The following MAML3 variants were observed in gnomAD, a reference collection of about 807,000 sequenced individuals.
MAML3 encodes the protein mastermind-like protein 3.
A neutral mutation model predicts 101.9 loss-of-function variants in MAML3; 27 were observed. The ratio of observed to expected loss-of-function variants is 0.27; its 90% CI spans 0.20 to 0.37. MAML3 has a LOEUF of 0.37. Among genes scored for constraint, MAML3 ranks in the 10% least tolerant of loss-of-function variants. The pLI, the probability that MAML3 is intolerant of heterozygous loss-of-function variation, is 1.00. For missense variants in MAML3, 1,316 were observed against 1,444.9 expected (o/e 0.91, Z 1.45); for synonymous variants, 501 against 555.9 (o/e 0.90, Z 1.39).
chr4:139,749,887 C>CA lies in MAML3; in HGVS notation c.2080-19221_2080-19220insT, dbSNP rs35962078. 6.1e-5 allele frequency among the ~76,000 whole-genome samples: 7 copies of CA among 114,084 alleles called. No homozygotes were observed. In the East Asian group the frequency reaches 1.3e-3, roughly 22 times the overall value. 74.8% of individuals were successfully genotyped at this position (114,084 alleles called of 152,430 possible). Reference sequence around the variant, plus strand: ...TCTCATAGTGGAGATGAATAAGAACCCCCCCCCACCCTATTCTGCCAAAAG... The same window carrying CA: ...TCTCATAGTGGAGATGAATAAGAACCACCCCCCCACCCTATTCTGCCAAAAG... On this transcript the variant is annotated intron_variant, in intron 2 of 4. Coordinates refer to ENST00000509479, the MANE Select transcript of MAML3 (RefSeq NM_018717.5).
At chr4:140,092,739 C>A (rs1728082217) in intron 1 of MAML3, among the ~76,000 whole-genome samples, 1 of 152,140 alleles carries the variant, frequency 6.6e-6, no homozygotes, top group Non-Finnish European at 1.5e-5. Context: ...TCATTCCCTG[C>A]TGCTCTGTGG....
rs1733068424 is a variant in MAML3, at chr4:139,918,596, T to C, written c.469-27629A>G. Among the ~76,000 whole-genome samples the C allele has an allele frequency of 2.0e-5, 3 of 152,228 alleles. No individual in the cohort carries two copies. In the South Asian group the frequency reaches 6.2e-4, roughly 32 times the overall value. Reference sequence around the variant, plus strand: ...CACCACTGATCACAATTTATAATCATTTTGTTTCTTCCTTTTTCCTTGGTA... The same window carrying C: ...CACCACTGATCACAATTTATAATCACTTTGTTTCTTCCTTTTTCCTTGGTA... On this transcript the variant is annotated intron_variant, in intron 1 of 4. Coordinates refer to ENST00000509479, the MANE Select transcript of MAML3 (RefSeq NM_018717.5).
rs191419542 is a variant in MAML3, at chr4:140,080,342, C to G, written c.468+72518G>C. ...AGCTCTACTCATGGGTCTGAATGTG[C>G]CCAAAGATGGTGTTACTCAAAGCAT... On this transcript the variant is annotated intron_variant, in intron 1 of 4. Coordinates refer to ENST00000509479, the MANE Select transcript of MAML3 (RefSeq NM_018717.5). Among the ~76,000 whole-genome samples, 647 of 152,302 alleles carry G rather than the reference C, an allele frequency of 4.2e-3. 6 individuals are homozygous for G. Among genetic ancestry groups the G allele is most frequent in the African/African-American group, 0.015 (627 of 41,548 alleles).
At chr4:139,974,369 T>A (rs913945921) in intron 1 of MAML3, among the ~76,000 whole-genome samples, 4 of 152,190 alleles carry the variant, frequency 2.6e-5, no homozygotes, top group African/African-American at 4.8e-5. Flanking sequence ...CCTCCCAAAC[T>A]GCTGGGATTA....
intron 1 of MAML3, among the ~76,000 whole-genome samples, chr4:139,928,728 G>A (rs986868824): frequency 1.3e-5 from 2 of 152,146 alleles, no homozygotes; most frequent in African/African-American, 2.4e-5. Flanking sequence ...GCTGGGTCCC[G>A]GAGCTCCATG....
At chr4:139,734,275 A>T (rs1242176923) in intron 2 of MAML3, among the ~76,000 whole-genome samples, 1 of 152,228 alleles carries the variant, frequency 6.6e-6, no homozygotes, top group Non-Finnish European at 1.5e-5. Flanking sequence ...TAAGAAGGAC[A>T]CACACTGTGT....
intron 1 of MAML3, among the ~76,000 whole-genome samples, chr4:140,068,532 T>C (rs1239965468): frequency 1.3e-5 from 2 of 152,206 alleles, no homozygotes; most frequent in Admixed American, 6.5e-5. Flanking sequence ...AGCACTGTTC[T>C]GGAAAGAGAA....
intron 1 of MAML3, among the ~76,000 whole-genome samples, chr4:139,936,768 C>G (rs1026699531): frequency 1.3e-5 from 2 of 152,162 alleles, no homozygotes; most frequent in African/African-American, 4.8e-5. Context: ...TTACCTCCTC[C>G]TCTTTATCTT....
chr4:139,970,584 T>C (rs1054522668), intron 1 of MAML3, among the ~76,000 whole-genome samples: 2 of 152,124 alleles, frequency 1.3e-5, no homozygotes, highest in African/African-American at 4.8e-5. Flanking sequence ...GTTTAGGTAA[T>C]AGATGATGAG....
chr4:140,009,199 T>C (rs2048386), intron 1 of MAML3, among the ~76,000 whole-genome samples: 117,186 of 152,184 alleles, frequency 0.77, 46,119 homozygotes, highest in East Asian at 0.94. Flanking sequence ...ATGTGCATTT[T>C]GGTCCCTAGA....
At chr4:139,915,960 A>T (rs1045362655) in intron 1 of MAML3, among the ~76,000 whole-genome samples, 1 of 152,188 alleles carries the variant, frequency 6.6e-6, no homozygotes, top group Non-Finnish European at 1.5e-5. Flanking sequence ...AGCAAACAGC[A>T]AGCTTTTCTT....
At chr4:139,763,406 T>C (rs138348987) in intron 2 of MAML3, among the ~76,000 whole-genome samples, 1 of 152,222 alleles carries the variant, frequency 6.6e-6, no homozygotes, top group East Asian at 1.9e-4. Context: ...GGGCCATCTG[T>C]TTAAGCAACG....
chr4:139,846,267 G>C (rs1213025646), intron 2 of MAML3, among the ~76,000 whole-genome samples: 1 of 152,102 alleles, frequency 6.6e-6, no homozygotes, highest in African/African-American at 2.4e-5. Context: ...ATTTTTGTCT[G>C]TAAGAGGAAG....
chr4:140,120,198 C>CTG (rs1336074285), intron 1 of MAML3, among the ~76,000 whole-genome samples: 1 of 146,330 alleles, frequency 6.8e-6, no homozygotes, highest in Non-Finnish European at 1.5e-5. Flanking sequence ...GATCGCGCCA[C>CTG]CGCACTCCAG....
At chr4:139,990,095 T>C (rs1171850616) in intron 1 of MAML3, among the ~76,000 whole-genome samples, 2 of 152,192 alleles carry the variant, frequency 1.3e-5, no homozygotes, top group Non-Finnish European at 1.5e-5. Context: ...TTTCACATTT[T>C]TCAGAGTCTG....
intron 1 of MAML3, among the ~76,000 whole-genome samples, chr4:140,005,757 T>C (rs545217657): frequency 3.9e-5 from 6 of 152,292 alleles, no homozygotes; most frequent in African/African-American, 7.2e-5. Flanking sequence ...TCCTATTTCA[T>C]AGGTTTTTGA....
intron 1 of MAML3, among the ~76,000 whole-genome samples, chr4:140,124,705 A>G (rs1338468019): frequency 2.6e-5 from 4 of 152,264 alleles, no homozygotes; most frequent in Non-Finnish European, 4.4e-5. Context: ...CCTATTTGCA[A>G]TACTAATTAG....
intron 1 of MAML3, among the ~76,000 whole-genome samples, chr4:140,011,121 G>GTATATATATATATATACACATATGTCA (rs1726549056): frequency 3.1e-5 from 2 of 65,100 alleles, no homozygotes; most frequent in Non-Finnish European, 6.8e-5. Context: ...AAGTGTGTGT[G>GTATATATATATATATACACATATGTCA]TATATATATA....
chr4:139,753,901 A>C (rs1465929607), intron 2 of MAML3, among the ~76,000 whole-genome samples: 2 of 152,224 alleles, frequency 1.3e-5, no homozygotes, highest in African/African-American at 4.8e-5. Context: ...GAATTGTGTA[A>C]TGAGCAAAAG....
Sources: gnomAD v4.1 joint callset for allele counts (sites outside exome capture counted in the v4.1 genomes callset) on GRCh38, gnomAD v4.1.1 for gene constraint, MANE v1.5 for transcripts, NCBI Gene and HGNC (gene_info 2026-07-23, HGNC 2026-07-21) for gene names.